Variants in RC3H2 observed in about 807,000 individuals in gnomAD.
The protein encoded by RC3H2 is roquin-2.
In RC3H2, 31 loss-of-function variants were observed where a neutral mutation model predicts 133.3. The observed-to-expected ratio is 0.23, with a 90% CI of 0.17 to 0.31. The LOEUF is 0.31. Among genes scored for constraint, RC3H2 ranks in the 10% least tolerant of loss-of-function variants. The pLI is 1.00. For missense variants in RC3H2, 1,175 were observed against 1,437.2 expected (o/e 0.82, Z 2.95); for synonymous variants, 517 against 502.2 (o/e 1.03, Z -0.40).
chr9:122,895,091 T>C (rs1031814739), intron 2 of RC3H2, among the ~76,000 whole-genome samples: 26 of 151,356 alleles, frequency 1.7e-4, no homozygotes, highest in Admixed American at 1.7e-3. Flanking sequence ...CCAACTGAGA[T>C]AACATTTACA....
At chr9:122,904,901 C>T (rs1053373977) in intron 1 of RC3H2, among the ~76,000 whole-genome samples, 1 of 152,178 alleles carries the variant, frequency 6.6e-6, no homozygotes, top group Non-Finnish European at 1.5e-5. Flanking sequence ...GCCGGTCGCT[C>T]CGCATCGAAA....
intron 15 of RC3H2, 127 bp downstream of exon 15, chr9:122,855,057 G>A (rs1479604174): frequency 4.1e-6 from 3 of 729,858 alleles, no homozygotes; most frequent in Non-Finnish European, 6.6e-6. Flanking sequence ...AGGTTGCAGT[G>A]AGCCAAGATC....
intron 9 of RC3H2, 69 bp from the exon 10 acceptor site, chr9:122,865,726 T>G: frequency 7.5e-7 from 1 of 1,334,402 alleles, no homozygotes; most frequent in Non-Finnish European, 1.0e-6. Context: ...AAAATGGCAA[T>G]GGGCAATGGG....
At chr9:122,851,780 GAGTCTGGTTCACTCAGTGCTC>G (rs1232155014) in intron 18 of RC3H2, among the ~76,000 whole-genome samples, 3 of 152,276 alleles carry the variant, frequency 2.0e-5, no homozygotes, top group Non-Finnish European at 2.9e-5. Flanking sequence ...ATTGCAGACG[GAGTCTGGTTCACTCAGTGCTC>G]AATGGCGCCC....
rs780385373 is a variant in RC3H2 at position 122,865,405 on chromosome 9, C to T, written c.1578G>A (p.Lys526=). 8 of 1,614,182 alleles carry T rather than the reference C, an allele frequency of 5.0e-6. No individual in the cohort carries two copies. Among genetic ancestry groups the T allele is most frequent in the Middle Eastern group, 1.6e-4 (1 of 6,062 alleles). Residue 526 remains lysine, a synonymous_variant, in exon 10 of 21, where the codon AAG becomes AAA. Coordinates refer to ENST00000357244, the MANE Select transcript of RC3H2 (RefSeq NM_001100588.3). ...CAGCATTCTGACCATTAGCGCCAAC[C>T]TTTCCCACTTTCTTCACGGTCTCCA... The part of the protein sequence containing the change: ...RALETVKKVG[K]VGANGQNAAG...
intron 11 of RC3H2, 131 bp from the exon 12 acceptor site, chr9:122,859,233 A>T: frequency 1.5e-4 from 72 of 486,208 alleles, no homozygotes; most frequent in Non-Finnish European, 2.0e-4. Context: ...ACCCTGCTTT[A>T]TAAAGCTTTA....
intron 1 of RC3H2, among the ~76,000 whole-genome samples, chr9:122,900,200 T>A (rs545325479): frequency 1.3e-5 from 2 of 152,138 alleles, no homozygotes; most frequent in Non-Finnish European, 2.9e-5. Context: ...GAAGTTTAAT[T>A]TCTACCACAA....
chr9:122,893,477 G>C (rs774401546), intron 2 of RC3H2, among the ~76,000 whole-genome samples: 3 of 152,196 alleles, frequency 2.0e-5, no homozygotes, highest in Non-Finnish European at 4.4e-5. Flanking sequence ...CTGGGTGACA[G>C]AGTGAGACTC....
At chr9:122,876,147 T>A (rs1288173862) in intron 9 of RC3H2, among the ~76,000 whole-genome samples, 2 of 152,124 alleles carry the variant, frequency 1.3e-5, no homozygotes, top group East Asian at 3.8e-4. Context: ...TTTGACTGAT[T>A]AAGCAGAAAA....
At position 122,847,796 on chromosome 9, in the gene RC3H2, G is replaced by A. The variant is rs1829901122; in HGVS notation, c.*1831C>T. On this transcript the variant is annotated 3_prime_UTR_variant, in exon 21 of 21. Coordinates refer to ENST00000357244, the MANE Select transcript of RC3H2 (RefSeq NM_001100588.3). ...ACTAACCAAAGGAAACTAAGTCAAG[G>A]CTACTGTGCTGTTGTTATGCTACAA... The A allele has an allele frequency of 6.6e-6, 1 of 152,084 alleles. No homozygotes were observed. Among genetic ancestry groups the A allele is most frequent in the Non-Finnish European group, 1.5e-5 (1 of 67,984 alleles). 9.4% of individuals were successfully genotyped at this position (152,084 alleles called of 1,614,324 possible). A position where few individuals can be genotyped will look rare whatever the true frequency, so the allele number is the denominator to read the frequency against.
In RC3H2 at chr9:122,897,280, T is replaced by C; in HGVS notation, c.230A>G (p.Gln77Arg). ...NFALLQLVGAQVPDHQSIKLS... is the reference protein window; with the variant it reads ...NFALLQLVGARVPDHQSIKLS... The stretch of plus-strand genomic sequence containing the variant: ...TATAGTAAAATCTTGAATGCTTACC[T>C]GGGCTCCAACTAACTGGAGAAGTGC... The change falls in exon 2 of 21, where the codon CAG becomes CGG. Residue 77 changes from glutamine to arginine, a missense_variant and splice_region_variant. By Grantham distance (43) the Gln-to-Arg change is conservative (BLOSUM62 1). Coordinates refer to ENST00000357244, the MANE Select transcript of RC3H2 (RefSeq NM_001100588.3). 1 of 1,613,836 alleles carries C rather than the reference T, an allele frequency of 6.2e-7. No homozygotes were observed. The highest frequency in any genetic ancestry group is 8.5e-7 in the Non-Finnish European group (1 of 1,179,738).
In RC3H2 at chr9:122,879,893, G is replaced by A. The variant is rs763587970; in HGVS notation, c.1094-20C>T. On this transcript the variant is annotated intron_variant, in intron 7 of 20. Transcript: ENST00000357244. ...CAGCGTCTAAAATAAGCCACCAAGG[G>A]CATGGGGGTTGGGGGGGAAGAATGT... 11 of 1,611,606 alleles carry A rather than the reference G, an allele frequency of 6.8e-6. No homozygotes were observed. In the East Asian group the frequency reaches 1.8e-4, roughly 26 times the overall value.
In RC3H2 at chr9:122,905,251, G is replaced by A. The variant is rs944843669; in HGVS notation, c.-209C>T. On this transcript the variant is annotated 5_prime_UTR_variant, in exon 1 of 21. Transcript: ENST00000357244. ...CTCAAACTCCATCGGGAGCTACAGGGACAGCCCCGTTGGCGGCGGCGAAGG... is the reference window on the plus strand; with the variant it reads ...CTCAAACTCCATCGGGAGCTACAGGAACAGCCCCGTTGGCGGCGGCGAAGG... 3.0e-6 allele frequency: 3 copies of A among 985,556 alleles called. No homozygotes were observed. The highest frequency in any genetic ancestry group is 3.5e-5 in the African/African-American group (2 of 57,252). 61.1% of individuals were successfully genotyped at this position (985,556 alleles called of 1,614,324 possible).
intron 20 of RC3H2, 105 bp from the exon 21 acceptor site, chr9:122,849,927 T>C (rs1333769595): frequency 4.7e-6 from 3 of 641,748 alleles, no homozygotes; most frequent in Admixed American, 3.8e-5. Flanking sequence ...TAGGAGTCTC[T>C]AGCAAAGACA....
chr9:122,865,580 G>C lies in RC3H2; in HGVS notation c.1403C>G (p.Thr468Ser), dbSNP rs1344489991. 1 of 1,614,010 alleles carries C rather than the reference G, an allele frequency of 6.2e-7. No homozygotes were observed. Among genetic ancestry groups the C allele is most frequent in the Non-Finnish European group, 8.5e-7 (1 of 1,180,010 alleles). Reference protein sequence around the residue: ...PLLNKVGVNNTVTTTAGNVIS... With the variant: ...PLLNKVGVNNSVTTTAGNVIS... ...GACATTTCCGGCTGTGGTTGTGACA[G>C]TGTTGTTTACACCAACTTTATTTAG... Residue 468 changes from threonine to serine, a missense_variant, in exon 10 of 21, where the codon ACT becomes AGT. Thr to Ser is a moderately conservative substitution (Grantham distance 58). Transcript: ENST00000357244.
intron 1 of RC3H2, among the ~76,000 whole-genome samples, chr9:122,901,684 C>G (rs146141672): frequency 1.3e-5 from 2 of 150,968 alleles, no homozygotes; most frequent in Admixed American, 6.6e-5. Flanking sequence ...CTCCGCCTCC[C>G]GGTTTCATAC....
chr9:122,851,039 G>A (rs1365663870), intron 20 of RC3H2, 42 bp downstream of exon 20: 1 of 1,606,960 alleles, frequency 6.2e-7, no homozygotes, highest in Non-Finnish European at 8.5e-7. Context: ...TCTTTATTAT[G>A]TCCTATGCCC....
At position 122,897,527 on chromosome 9, in the gene RC3H2, C is replaced by T. The variant is rs768582960; in HGVS notation, c.-18G>A. 1.0e-5 allele frequency: 16 copies of T among 1,606,822 alleles called. No homozygotes were observed. The highest frequency in any genetic ancestry group is 6.7e-5 in the African/African-American group (5 of 74,852). On this transcript the variant is annotated 5_prime_UTR_variant, in exon 2 of 21. Coordinates refer to ENST00000357244, the MANE Select transcript of RC3H2 (RefSeq NM_001100588.3). ...ACAGGCATTGTGGAAGCTGGATGCT[C>T]GGGTTAGCAGTCTAGCAGATCATTA...
Position 122,905,269 on chromosome 9 carries a change from G to T in RC3H2, c.-227C>A. The T allele has an allele frequency of 4.1e-6, 4 of 985,864 alleles. No homozygotes were observed. The highest frequency in any genetic ancestry group is 3.6e-6 in the Non-Finnish European group (3 of 830,212). 61.1% of individuals were successfully genotyped at this position (985,864 alleles called of 1,614,324 possible). On this transcript the variant is annotated 5_prime_UTR_variant, in exon 1 of 21. Transcript: ENST00000357244. ...CTACAGGGACAGCCCCGTTGGCGGC[G>T]GCGAAGGCCGCGACGGGGCCTCCTC... is the stretch of plus-strand genomic sequence containing the variant.
Sources: gnomAD v4.1 joint callset for allele counts (sites outside exome capture counted in the v4.1 genomes callset) on GRCh38, gnomAD v4.1.1 for gene constraint, MANE v1.5 for transcripts, NCBI Gene and HGNC (gene_info 2026-07-23, HGNC 2026-07-21) for gene names.